Variants in CDH10 observed in about 807,000 individuals in gnomAD.
CDH10 encodes the protein cadherin-10.
A neutral mutation model predicts 73.1 loss-of-function variants in CDH10; 30 were observed. The observed-to-expected ratio is 0.41, with a 90% CI of 0.31 to 0.56. The LOEUF is 0.56. CDH10 is among the 20% of genes least tolerant of loss of function. The pLI, the probability that CDH10 is intolerant of heterozygous loss-of-function variation, is 0.27. For missense variants in CDH10, 815 were observed against 973.7 expected (o/e 0.84, Z 2.17); for synonymous variants, 345 against 348.2 (o/e 0.99, Z 0.10).
At chr5:24,625,547 GTATA>G (rs371944787) in intron 1 of CDH10, among the ~76,000 whole-genome samples, 1,162 of 90,402 alleles carry the variant, frequency 0.013, 10 homozygotes, top group African/African-American at 0.039. Context: ...TTATCTATCT[GTATA>G]TATATATATA....
chr5:24,489,853 A>G lies in CDH10; in HGVS notation c.1877-1700T>C, dbSNP rs72749728. Among the ~76,000 whole-genome samples the G allele has an allele frequency of 6.7e-3, 1,021 of 152,240 alleles. 7 individuals carry two copies. Among genetic ancestry groups the G allele is most frequent in the Middle Eastern group, 0.027 (8 of 294 alleles). ...GAATATGTAAGATAGTGAGGCCTCC[A>G]TCCAGCCATAATAAAAGTGGAAATA... On this transcript the variant is annotated intron_variant, in intron 11 of 11. Transcript: ENST00000264463.
chr5:24,492,735 G>A, intron 10 of CDH10, 82 bp downstream of exon 10: 1 of 711,732 alleles, frequency 1.4e-6, no homozygotes, highest in Non-Finnish European at 2.6e-6. Context: ...AATTGATATG[G>A]CATATATATT....
chr5:24,577,186 G>A (rs1342620388), intron 2 of CDH10, among the ~76,000 whole-genome samples: 2 of 151,944 alleles, frequency 1.3e-5, no homozygotes, highest in Admixed American at 1.3e-4. Flanking sequence ...GGTGAGAAAG[G>A]TCATTAGGGA....
chr5:24,566,490 T>A (rs1462328706), intron 2 of CDH10, among the ~76,000 whole-genome samples: 1 of 152,228 alleles, frequency 6.6e-6, no homozygotes, highest in Non-Finnish European at 1.5e-5. Flanking sequence ...GATAATGTGT[T>A]ATTGGCCTAG....
At chr5:24,587,406 A>C (rs1746060523) in intron 2 of CDH10, among the ~76,000 whole-genome samples, 2 of 152,310 alleles carry the variant, frequency 1.3e-5, no homozygotes, top group African/African-American at 4.8e-5. Flanking sequence ...TTGCACATAT[A>C]ATTATGTATT....
At chr5:24,615,704 T>C (rs917062408) in intron 1 of CDH10, among the ~76,000 whole-genome samples, 3 of 152,244 alleles carry the variant, frequency 2.0e-5, no homozygotes, top group African/African-American at 7.2e-5. Flanking sequence ...TAACCTTCAC[T>C]TAATTTCCAG....
intron 2 of CDH10, among the ~76,000 whole-genome samples, chr5:24,562,151 T>C (rs375756500): frequency 7.1e-4 from 108 of 151,914 alleles, no homozygotes; most frequent in African/African-American, 2.4e-3. Context: ...ATAGAAAAAA[T>C]GAGAAACAAT....
chr5:24,617,684 A>T (rs906737032), intron 1 of CDH10, among the ~76,000 whole-genome samples: 1 of 152,224 alleles, frequency 6.6e-6, no homozygotes, highest in Admixed American at 6.5e-5. Context: ...TTAATGGAAG[A>T]TGTAACAAAG....
At chr5:24,490,770 A>T (rs992743404) in intron 11 of CDH10, among the ~76,000 whole-genome samples, 1 of 152,164 alleles carries the variant, frequency 6.6e-6, no homozygotes, top group African/African-American at 2.4e-5. Flanking sequence ...TTTAAAATTT[A>T]AGACTAATGT....
intron 2 of CDH10, among the ~76,000 whole-genome samples, chr5:24,551,469 A>G (rs1744542157): frequency 6.6e-6 from 1 of 152,128 alleles, no homozygotes; most frequent in Non-Finnish European, 1.5e-5. Flanking sequence ...TAATTTTAAT[A>G]TAGTCAAATT....
intron 2 of CDH10, among the ~76,000 whole-genome samples, chr5:24,541,466 T>C (rs1436932406): frequency 6.6e-6 from 1 of 152,062 alleles, no homozygotes; most frequent in Non-Finnish European, 1.5e-5. Context: ...TCTTCCTTTT[T>C]GTTTTGGATA....
chr5:24,490,001 A>T (rs1006060744), intron 11 of CDH10, among the ~76,000 whole-genome samples: 1 of 152,132 alleles, frequency 6.6e-6, no homozygotes, highest in African/African-American at 2.4e-5. Context: ...TTCATTATGC[A>T]TAAAATGAAA....
intron 2 of CDH10, among the ~76,000 whole-genome samples, chr5:24,581,744 G>A (rs184753772): frequency 3.3e-5 from 5 of 152,218 alleles, no homozygotes; most frequent in African/African-American, 1.2e-4. Context: ...AAGTGTCAAA[G>A]TAACCGAAAC....
chr5:24,595,238 T>G (rs755204526), intron 1 of CDH10, among the ~76,000 whole-genome samples: 16 of 151,962 alleles, frequency 1.1e-4, no homozygotes, highest in Non-Finnish European at 1.5e-5. Flanking sequence ...TTCTCTAATA[T>G]GGCAATGCAT....
chr5:24,496,148 C>T (rs1742281261), intron 9 of CDH10, among the ~76,000 whole-genome samples: 1 of 151,992 alleles, frequency 6.6e-6, no homozygotes, highest in Non-Finnish European at 1.5e-5. Flanking sequence ...CATTTGGTTT[C>T]ATATTTGTTG....
chr5:24,559,384 C>A (rs1188587997), intron 2 of CDH10, among the ~76,000 whole-genome samples: 1 of 151,928 alleles, frequency 6.6e-6, no homozygotes, highest in Non-Finnish European at 1.5e-5. Context: ...ATAAGAGAAA[C>A]ATTCACAATA....
At chr5:24,622,400 G>A (rs1241805875) in intron 1 of CDH10, among the ~76,000 whole-genome samples, 4 of 152,132 alleles carry the variant, frequency 2.6e-5, no homozygotes, top group African/African-American at 9.7e-5. Context: ...ACATTTTCCT[G>A]GCTAGCCACA....
intron 1 of CDH10, among the ~76,000 whole-genome samples, chr5:24,626,206 T>C (rs1747492889): frequency 6.6e-6 from 1 of 152,166 alleles, no homozygotes; most frequent in African/African-American, 2.4e-5. Flanking sequence ...ACTATGTGAA[T>C]AGGCACTGGG....
intron 2 of CDH10, among the ~76,000 whole-genome samples, chr5:24,586,493 G>A (rs1343933767): frequency 1.4e-5 from 2 of 139,806 alleles, no homozygotes; most frequent in Non-Finnish European, 3.0e-5. Flanking sequence ...AGGCTGGAGT[G>A]GTGCATTGGG....
Sources: allele counts gnomAD v4.1 joint callset (sites outside exome capture counted in the v4.1 genomes callset), GRCh38; gene constraint gnomAD v4.1.1; transcripts MANE v1.5; gene names NCBI Gene and HGNC (gene_info 2026-07-23, HGNC 2026-07-21).